FHIT: variants seen among roughly 807,000 people sequenced by gnomAD.
FHIT encodes fragile histidine triad diadenosine triphosphatase.
FHIT carries 19 observed loss-of-function variants against 17.9 expected under a neutral mutation model. That is an observed-to-expected ratio of 1.06 (90% CI 0.74 to 1.56). The LOEUF (loss-of-function observed/expected upper bound fraction) is 1.56, where lower values mean the gene tolerates loss of function less well. Ranked by LOEUF, FHIT falls within the 40% of genes most tolerant of loss-of-function variation. The probability of loss-of-function intolerance (pLI) is 0.00; values close to 1 mark genes in which losing one functional copy is unlikely to be tolerated. For synonymous variants in FHIT, 81 were observed against 69.7 expected, an observed-to-expected ratio of 1.16 and a Z score of -0.81; for missense variants, 248 against 189.2, an observed-to-expected ratio of 1.31 and a Z score of -1.82.
At chr3:61,150,512 G>A (rs74278873) in intron 2 of FHIT, among the ~76,000 whole-genome samples, 7,213 of 152,060 alleles carry the variant, frequency 0.047, 545 homozygotes, top group East Asian at 0.28. Context: ...GCCACCAAAT[G>A]TTCTTATGTA....
intron 3 of FHIT, among the ~76,000 whole-genome samples, chr3:60,868,763 G>A (rs1704272433): frequency 6.6e-6 from 1 of 152,164 alleles, no homozygotes; most frequent in South Asian, 2.1e-4. Flanking sequence ...TCAAATAGCT[G>A]TTTCTGACTA....
At chr3:60,296,589 T>C (rs902944266) in intron 5 of FHIT, among the ~76,000 whole-genome samples, 1 of 152,088 alleles carries the variant, frequency 6.6e-6, no homozygotes, top group Non-Finnish European at 1.5e-5. Context: ...AAATATTTAC[T>C]CCCAGTCTGC....
At chr3:60,843,612 A>C (rs1259341392) in intron 3 of FHIT, among the ~76,000 whole-genome samples, 1 of 152,234 alleles carries the variant, frequency 6.6e-6, no homozygotes, top group African/African-American at 2.4e-5. Flanking sequence ...GGCTAACAGC[A>C]GGGACACCTG....
chr3:61,154,255 T>C lies in FHIT; in HGVS notation c.-164+46362A>G, dbSNP rs145836758. On this transcript the variant is annotated intron_variant, in intron 2 of 9. Transcript: ENST00000492590. ...AAACCTCCCAGAATGATAGGACCATTTACACTAAATGAACCGAACATATTA... is the reference window on the plus strand; with the variant it reads ...AAACCTCCCAGAATGATAGGACCATCTACACTAAATGAACCGAACATATTA... 3.7e-3 allele frequency among the ~76,000 whole-genome samples: 556 copies of C among 152,230 alleles called. 3 individuals carry two copies. Among genetic ancestry groups the C allele is most frequent in the African/African-American group, 0.012 (502 of 41,528 alleles).
At chr3:60,185,792 T>C (rs1702134499) in intron 5 of FHIT, among the ~76,000 whole-genome samples, 1 of 152,092 alleles carries the variant, frequency 6.6e-6, no homozygotes, top group African/African-American at 2.4e-5. Flanking sequence ...GTATTGTCAG[T>C]TTTTGGTATT....
At chr3:60,775,504 C>T (rs781953852) in intron 4 of FHIT, among the ~76,000 whole-genome samples, 1 of 152,108 alleles carries the variant, frequency 6.6e-6, no homozygotes, top group African/African-American at 2.4e-5. Flanking sequence ...CCCTTTACTT[C>T]TTTTTCACCC....
At chr3:60,816,160 A>G (rs1352999582) in intron 4 of FHIT, among the ~76,000 whole-genome samples, 1 of 151,994 alleles carries the variant, frequency 6.6e-6, no homozygotes, top group Admixed American at 6.6e-5. Flanking sequence ...TGAGTTTTTT[A>G]GGAATAGAAT....
chr3:60,327,532 T>C (rs1576481316), intron 5 of FHIT, among the ~76,000 whole-genome samples: 2 of 152,318 alleles, frequency 1.3e-5, no homozygotes, highest in East Asian at 1.9e-4. Context: ...CCCAGAGCTA[T>C]AGTTGCCAAC....
intron 5 of FHIT, among the ~76,000 whole-genome samples, chr3:60,389,810 G>A (rs1370440998): frequency 3.3e-5 from 5 of 151,986 alleles, no homozygotes; most frequent in Non-Finnish European, 5.9e-5. Flanking sequence ...AGAACATTTT[G>A]TGTTTGACTA....
intron 4 of FHIT, among the ~76,000 whole-genome samples, chr3:60,615,640 T>G (rs1164180566): frequency 6.6e-6 from 1 of 152,226 alleles, no homozygotes. Flanking sequence ...AATATTTGAG[T>G]AATACCTACT....
At chr3:61,044,337 C>A (rs926487904) in intron 2 of FHIT, among the ~76,000 whole-genome samples, 1 of 152,164 alleles carries the variant, frequency 6.6e-6, no homozygotes, top group African/African-American at 2.4e-5. Flanking sequence ...ATGACACATG[C>A]ACAAGTTTCG....
At chr3:60,851,105 C>T (rs1269989311) in intron 3 of FHIT, among the ~76,000 whole-genome samples, 3 of 152,140 alleles carry the variant, frequency 2.0e-5, no homozygotes, top group Non-Finnish European at 4.4e-5. Flanking sequence ...TTATAATGCT[C>T]TTGAAAACAT....
intron 5 of FHIT, among the ~76,000 whole-genome samples, chr3:60,152,862 T>C (rs6809984): frequency 5.6e-4 from 86 of 152,266 alleles, no homozygotes; most frequent in African/African-American, 2.0e-3. Context: ...TCTCCCTGCT[T>C]TAATTTGGAG....
At chr3:60,226,951 A>G (rs1704237160) in intron 5 of FHIT, among the ~76,000 whole-genome samples, 1 of 152,200 alleles carries the variant, frequency 6.6e-6, no homozygotes, top group Non-Finnish European at 1.5e-5. Flanking sequence ...AAGGAAAATC[A>G]AAAGTCATTT....
intron 7 of FHIT, among the ~76,000 whole-genome samples, chr3:59,938,988 G>C (rs1440344559): frequency 1.3e-5 from 2 of 152,078 alleles, no homozygotes; most frequent in Non-Finnish European, 2.9e-5. Flanking sequence ...TCCACACAGG[G>C]AGCCAGAGAG....
intron 5 of FHIT, among the ~76,000 whole-genome samples, chr3:60,036,991 C>T (rs963755710): frequency 6.6e-6 from 1 of 152,204 alleles, no homozygotes; most frequent in Non-Finnish European, 1.5e-5. Context: ...AGGAGATTGA[C>T]TTCCAACATG....
At chr3:60,373,440 C>A (rs961677499) in intron 5 of FHIT, among the ~76,000 whole-genome samples, 1 of 152,090 alleles carries the variant, frequency 6.6e-6, no homozygotes, top group African/African-American at 2.4e-5. Context: ...GAGCAAGGCA[C>A]GATAGTGTGA....
rs987784034 is a variant in FHIT at position 59,759,954 on chromosome 3, C to T, written c.349-7633G>A. ...ATGTTCATTGCTTCCCTTCTCTATC[C>T]TGTGAACTGGACCTTGGACTAAGCA... On this transcript the variant is annotated intron_variant, in intron 8 of 9. Transcript: ENST00000492590. 4.0e-5 allele frequency among the ~76,000 whole-genome samples: 6 copies of T among 149,448 alleles called. 1 individual carries two copies. Among genetic ancestry groups the T allele is most frequent in the Non-Finnish European group, 8.9e-5 (6 of 67,154 alleles).
At chr3:60,569,751 A>ATTTTTT (rs1272456475) in intron 4 of FHIT, among the ~76,000 whole-genome samples, 5 of 69,782 alleles carry the variant, frequency 7.2e-5, no homozygotes, top group African/African-American at 2.4e-4. Context: ...ATATATATAT[A>ATTTTTT]TATATTTTTT....
Sources: gnomAD v4.1 joint callset for allele counts (sites outside exome capture counted in the v4.1 genomes callset) on GRCh38, gnomAD v4.1.1 for gene constraint, MANE v1.5 for transcripts, NCBI Gene and HGNC (gene_info 2026-07-23, HGNC 2026-07-21) for gene names.